The following SLC22A25 variants were observed in gnomAD, a reference collection of about 807,000 sequenced individuals.
SLC22A25 encodes solute carrier family 22 member 25, also known as MGI:2442751, MGI:2385316, MGI:3042283, MGI:3645714, MGI:3605624, MGI:2442750.
Under a neutral mutation model 45.9 loss-of-function variants are expected in SLC22A25, and 44 were observed. The observed-to-expected ratio is 0.96, with a 90% CI of 0.75 to 1.23. SLC22A25 has a LOEUF of 1.23. Ranked by LOEUF, SLC22A25 falls within the 50% of genes most tolerant of loss-of-function variation. The pLI, the probability that SLC22A25 is intolerant of heterozygous loss-of-function variation, is 0.00. For missense variants in SLC22A25, 800 were observed against 666.4 expected, an observed-to-expected ratio of 1.20 and a Z score of -2.21; for synonymous variants, 283 against 238.6, an observed-to-expected ratio of 1.19 and a Z score of -1.72.
At chr11:63,202,229 G>C (rs1298175437) in intron 7 of SLC22A25, among the ~76,000 whole-genome samples, 2 of 152,018 alleles carry the variant, frequency 1.3e-5, no homozygotes, top group African/African-American at 4.8e-5. Context: ...CATTTGGGCA[G>C]ACACTGAGCT....
chr11:63,181,062 G>A (rs926007329), intron 8 of SLC22A25, among the ~76,000 whole-genome samples: 1 of 151,934 alleles, frequency 6.6e-6, no homozygotes, highest in African/African-American at 2.4e-5. Flanking sequence ...GATCAGGATG[G>A]GGAAAAAAAT....
intron 7 of SLC22A25, among the ~76,000 whole-genome samples, chr11:63,195,945 C>G (rs1300152929): frequency 2.0e-5 from 3 of 152,178 alleles, no homozygotes; most frequent in Non-Finnish European, 4.4e-5. Flanking sequence ...CACAGAAATA[C>G]AAACTACCAT....
chr11:63,201,619 C>T (rs1189326619), intron 7 of SLC22A25, among the ~76,000 whole-genome samples: 1 of 152,146 alleles, frequency 6.6e-6, no homozygotes, highest in Non-Finnish European at 1.5e-5. Context: ...ATGATAAAAA[C>T]ACCCAAAGCA....
chr11:63,210,733 T>C (rs1470246806), intron 7 of SLC22A25, among the ~76,000 whole-genome samples: 1 of 152,104 alleles, frequency 6.6e-6, no homozygotes, highest in African/African-American at 2.4e-5. Flanking sequence ...TACTCTGTGG[T>C]AACTCACCCA....
rs1299498909 is a variant in SLC22A25 at position 63,163,260 on chromosome 11, CT to C, written c.*563del. ...GAGAAGCACAGAAAAGTTTTAGAAC[CT>C]TTTCTCATTCTTCATTACTTAAAAA... On this transcript the variant is annotated 3_prime_UTR_variant, in exon 12 of 12. Coordinates refer to ENST00000306494, the MANE Select transcript of SLC22A25 (RefSeq NM_199352.6). Among the ~76,000 whole-genome samples the C allele has an allele frequency of 6.6e-6, 1 of 152,176 alleles. No individual in the cohort carries two copies. Among genetic ancestry groups the C allele is most frequent in the Non-Finnish European group, 1.5e-5 (1 of 68,032 alleles).
chr11:63,226,710 C>T (rs1015786106), intron 5 of SLC22A25, among the ~76,000 whole-genome samples: 4 of 152,182 alleles, frequency 2.6e-5, no homozygotes, highest in South Asian at 2.1e-4. Flanking sequence ...ACCAGCCAAC[C>T]TTGTGTCCTT....
At chr11:63,179,416 A>G (rs969534296) in intron 9 of SLC22A25, among the ~76,000 whole-genome samples, 1 of 152,092 alleles carries the variant, frequency 6.6e-6, no homozygotes, top group Admixed American at 6.6e-5. Flanking sequence ...TGGCTTTTAC[A>G]ATCAGCCCAG....
At chr11:63,188,690 T>A (rs1167788806) in intron 7 of SLC22A25, among the ~76,000 whole-genome samples, 1 of 152,226 alleles carries the variant, frequency 6.6e-6, no homozygotes, top group African/African-American at 2.4e-5. Context: ...TGTAGTGCTA[T>A]AAATTTCCCT....
chr11:63,228,057 T>C (rs1462869603), intron 5 of SLC22A25, among the ~76,000 whole-genome samples: 1 of 152,224 alleles, frequency 6.6e-6, no homozygotes, highest in Non-Finnish European at 1.5e-5. Context: ...CCCCCTTCAA[T>C]GAAGTTAAAA....
At position 63,161,398 on chromosome 11, in the gene SLC22A25, G is replaced by A. The variant is rs2087531722; in HGVS notation, c.*2426C>T. 6.6e-6 allele frequency among the ~76,000 whole-genome samples: 1 copy of A among 152,260 alleles called. No homozygotes were observed. The highest frequency in any genetic ancestry group is 6.5e-5 in the Admixed American group (1 of 15,282). ...TTAGTTTTGAAATGTGAGGACATGA[G>A]ATTTGGGAGGGGCCAGGGGCAGAAT... On this transcript the variant is annotated 3_prime_UTR_variant, in exon 12 of 12. Transcript: ENST00000306494.
At chr11:63,220,081 A>G in intron 5 of SLC22A25, 1 of 1,069,966 alleles carries the variant, frequency 9.3e-7, no homozygotes, top group South Asian at 1.3e-5. Context: ...CATGTCACAG[A>G]CTGTGACAAT....
chr11:63,209,144 C>T (rs1408306573), intron 7 of SLC22A25, among the ~76,000 whole-genome samples: 1 of 152,078 alleles, frequency 6.6e-6, no homozygotes, highest in Non-Finnish European at 1.5e-5. Context: ...AAGGTGGTCA[C>T]TGGAGTTGGA....
At position 63,166,408 on chromosome 11, in the gene SLC22A25, T is replaced by C. The variant is rs77392117; in HGVS notation, c.1071-150A>G. On this transcript the variant is annotated intron_variant, in intron 9 of 11. Coordinates refer to ENST00000306494, the MANE Select transcript of SLC22A25 (RefSeq NM_199352.6). ...AATATTTTCTTGCAAGTTGATATTT[T>C]AAAGTTATCATAAAATAATGGTTAG... 10,711 of 1,444,290 alleles carry C rather than the reference T, an allele frequency of 7.4e-3. 685 individuals carry two copies. In the African/African-American group the frequency reaches 0.13, roughly 18 times the overall value. The allele number at this position is 1,444,290 out of a possible 1,614,324, so 89.5% of individuals were successfully genotyped here.
chr11:63,192,470 T>G (rs910166927), intron 7 of SLC22A25, among the ~76,000 whole-genome samples: 3 of 152,180 alleles, frequency 2.0e-5, no homozygotes, highest in Middle Eastern at 3.4e-3. Context: ...GATGACAGGA[T>G]CAAATCCACA....
chr11:63,187,455 T>A (rs2088604569), intron 7 of SLC22A25, among the ~76,000 whole-genome samples: 1 of 152,164 alleles, frequency 6.6e-6, no homozygotes, highest in African/African-American at 2.4e-5. Flanking sequence ...GCTGAGACAA[T>A]GGGGTTTTCT....
chr11:63,183,010 T>C (rs1236403149), intron 8 of SLC22A25, among the ~76,000 whole-genome samples: 4 of 152,146 alleles, frequency 2.6e-5, no homozygotes, highest in Non-Finnish European at 4.4e-5. Flanking sequence ...ACTTCCTCTG[T>C]CATTCATGAC....
At chr11:63,190,861 G>T (rs976136283) in intron 7 of SLC22A25, among the ~76,000 whole-genome samples, 1 of 152,148 alleles carries the variant, frequency 6.6e-6, no homozygotes, top group South Asian at 2.1e-4. Flanking sequence ...GCAGAACAGC[G>T]GATATTGGTG....
intron 3 of SLC22A25, among the ~76,000 whole-genome samples, chr11:63,231,714 A>G (rs930886489): frequency 2.6e-5 from 4 of 152,188 alleles, no homozygotes; most frequent in African/African-American, 9.6e-5. Context: ...GCCCATGCCT[A>G]TGTCCTGAAT....
chr11:63,164,353 G>A (rs541490261), intron 11 of SLC22A25, among the ~76,000 whole-genome samples, 173 bp downstream of exon 11: 64 of 152,286 alleles, frequency 4.2e-4, no homozygotes, highest in African/African-American at 7.9e-4. Context: ...TTAATGCAGC[G>A]TCTGGAACAA....
Sources: gnomAD v4.1 joint callset for allele counts (sites outside exome capture counted in the v4.1 genomes callset) on GRCh38, gnomAD v4.1.1 for gene constraint, MANE v1.5 for transcripts, NCBI Gene and HGNC (gene_info 2026-07-23, HGNC 2026-07-21) for gene names.